Variants in SLC39A9 observed in about 807,000 individuals in gnomAD.
SLC39A9 encodes the protein zinc transporter ZIP9.
SLC39A9 carries 14 observed loss-of-function variants against 28.4 expected under a neutral mutation model. The ratio of observed to expected loss-of-function variants is 0.49; its 90% CI spans 0.33 to 0.77. SLC39A9 has a LOEUF of 0.77. Ranked by LOEUF, SLC39A9 falls within the 30% of genes least tolerant of loss-of-function variation. SLC39A9 has a pLI of 0.02. For missense variants in SLC39A9, 283 were observed against 381.1 expected, an observed-to-expected ratio of 0.74 and a Z score of 2.14; for synonymous variants, 119 against 149.6, an observed-to-expected ratio of 0.80 and a Z score of 1.49.
chr14:69,400,805 C>T (rs1483904463), intron 1 of SLC39A9, among the ~76,000 whole-genome samples: 1 of 151,640 alleles, frequency 6.6e-6, no homozygotes, highest in Non-Finnish European at 1.5e-5. Flanking sequence ...TAATCTGTAC[C>T]CCTCAGCATC....
Position 69,459,090 on chromosome 14 carries a change from C to T in SLC39A9, c.*497C>T. 2.0e-6 allele frequency: 2 copies of T among 986,948 alleles called. No individual in the cohort carries two copies. Among genetic ancestry groups the T allele is most frequent in the Non-Finnish European group, 2.4e-6 (2 of 830,660 alleles). The allele number at this position is 986,948 out of a possible 1,614,324, so 61.1% of individuals were successfully genotyped here. ...ATGCGTTGATGGAAGGTCATAGCAC[C>T]CACTCACTTAGATGCTAAAGGTGAT... On this transcript the variant is annotated 3_prime_UTR_variant, in exon 7 of 7. Transcript: ENST00000336643.
chr14:69,462,290 A>G lies in SLC39A9; in HGVS notation c.*3697A>G, dbSNP rs1272868400. 2 of 152,276 alleles carry G rather than the reference A, an allele frequency of 1.3e-5. No homozygotes were observed. Among genetic ancestry groups the G allele is most frequent in the African/African-American group, 4.8e-5 (2 of 41,470 alleles). 9.4% of individuals were successfully genotyped at this position (152,276 alleles called of 1,614,324 possible). On this transcript the variant is annotated 3_prime_UTR_variant, in exon 7 of 7. Transcript: ENST00000336643. ...TCCCTTGTAAACATGAAATCATTCC[A>G]TGGATGGCTGCCTTATAATTTTGTC...
intron 3 of SLC39A9, among the ~76,000 whole-genome samples, chr14:69,451,169 G>A (rs2139446545): frequency 6.6e-6 from 1 of 152,352 alleles, no homozygotes; most frequent in South Asian, 2.1e-4. Context: ...TGCTGGCGCA[G>A]AGTGATTAGG....
At chr14:69,409,265 C>T (rs1342741442) in intron 1 of SLC39A9, among the ~76,000 whole-genome samples, 1 of 152,158 alleles carries the variant, frequency 6.6e-6, no homozygotes, top group Non-Finnish European at 1.5e-5. Flanking sequence ...GTACCATTTA[C>T]ATTCTCCCTT....
chr14:69,420,972 T>A (rs1395702320), intron 1 of SLC39A9, among the ~76,000 whole-genome samples: 1 of 152,258 alleles, frequency 6.6e-6, no homozygotes, highest in Non-Finnish European at 1.5e-5. Context: ...TTGTTTTTAC[T>A]GACCTTCTGA....
At chr14:69,413,046 C>T (rs1020484392) in intron 1 of SLC39A9, among the ~76,000 whole-genome samples, 4 of 152,038 alleles carry the variant, frequency 2.6e-5, no homozygotes, top group African/African-American at 4.8e-5. Context: ...TTTCATAGAT[C>T]AGTCATATAT....
chr14:69,403,667 T>A (rs1004254428), intron 1 of SLC39A9, among the ~76,000 whole-genome samples: 1 of 152,218 alleles, frequency 6.6e-6, no homozygotes, highest in African/African-American at 2.4e-5. Flanking sequence ...GCTCTAAAAA[T>A]TTCTGAAGGC....
At chr14:69,438,024 CTTT>C (rs374673006) in intron 2 of SLC39A9, among the ~76,000 whole-genome samples, 1 of 140,368 alleles carries the variant, frequency 7.1e-6, no homozygotes, top group African/African-American at 2.6e-5. Context: ...TTCCCTTACC[CTTT>C]TTTTTTTTTT....
intron 1 of SLC39A9, 128 bp downstream of exon 1, chr14:69,399,593 T>A: frequency 1.5e-6 from 1 of 671,440 alleles, no homozygotes. Flanking sequence ...ACTATCTTTT[T>A]TAAAAGATAC....
intron 1 of SLC39A9, among the ~76,000 whole-genome samples, chr14:69,411,938 ATGCC>A (rs1883288567): frequency 4.6e-5 from 7 of 151,810 alleles, no homozygotes; most frequent in Admixed American, 4.6e-4. Flanking sequence ...ACATGCCACC[ATGCC>A]CAGCTCATTT....
Position 69,460,659 on chromosome 14 carries a change from G to C in SLC39A9, c.*2066G>C. 1.0e-6 allele frequency: 1 copy of C among 985,442 alleles called. No homozygotes were observed. The highest frequency in any genetic ancestry group is 1.2e-6 in the Non-Finnish European group (1 of 829,938). 61.0% of individuals were successfully genotyped at this position (985,442 alleles called of 1,614,324 possible). A position where few individuals can be genotyped will look rare whatever the true frequency, so the allele number is the denominator to read the frequency against. On this transcript the variant is annotated 3_prime_UTR_variant, in exon 7 of 7. Coordinates refer to ENST00000336643, the MANE Select transcript of SLC39A9 (RefSeq NM_018375.5). ...CAGTGCCTTGCCATCATGCTTAAAA[G>C]TTTGGCTAGTATATCTTGCTGGATG...
At chr14:69,436,375 G>A (rs191812574) in intron 2 of SLC39A9, among the ~76,000 whole-genome samples, 94 of 152,166 alleles carry the variant, frequency 6.2e-4, no homozygotes, top group Admixed American at 3.7e-3. Context: ...CTTTTCCCTC[G>A]GTAATTGGTC....
chr14:69,461,644 T>C lies in SLC39A9; in HGVS notation c.*3051T>C. 6.5e-7 allele frequency: 1 copy of C among 1,532,216 alleles called. No individual in the cohort carries two copies. The highest frequency in any genetic ancestry group is 1.4e-5 in the African/African-American group (1 of 72,860). 94.9% of individuals were successfully genotyped at this position (1,532,216 alleles called of 1,614,324 possible). A position where few individuals can be genotyped will look rare whatever the true frequency, so the allele number is the denominator to read the frequency against. On this transcript the variant is annotated 3_prime_UTR_variant, in exon 7 of 7. Coordinates refer to ENST00000336643, the MANE Select transcript of SLC39A9 (RefSeq NM_018375.5). Reference sequence around the variant, plus strand: ...AAAGGAGAAAATGTGATTGTGTTTTTTTTTTACCAGCCTACTTCTAAGTGT... The same window carrying C: ...AAAGGAGAAAATGTGATTGTGTTTTCTTTTTACCAGCCTACTTCTAAGTGT...
intron 2 of SLC39A9, among the ~76,000 whole-genome samples, chr14:69,428,297 T>C (rs11620664): frequency 0.19 from 28,310 of 150,732 alleles, 2,803 homozygotes; most frequent in South Asian, 0.26. Flanking sequence ...AAAAAGTTTA[T>C]GGGGACAGTG....
chr14:69,403,344 C>T (rs893984336), intron 1 of SLC39A9, among the ~76,000 whole-genome samples: 19 of 152,244 alleles, frequency 1.2e-4, no homozygotes, highest in African/African-American at 4.3e-4. Context: ...GATACAAAAA[C>T]AGATGGCTCA....
chr14:69,442,453 T>A (rs563551845), intron 3 of SLC39A9, among the ~76,000 whole-genome samples, 187 bp downstream of exon 3: 3 of 152,308 alleles, frequency 2.0e-5, no homozygotes, highest in Admixed American at 2.0e-4. Flanking sequence ...CGCAAAGAAG[T>A]GTTTATTGGT....
At chr14:69,456,212 A>T (rs958788756) in intron 6 of SLC39A9, among the ~76,000 whole-genome samples, 2 of 152,214 alleles carry the variant, frequency 1.3e-5, no homozygotes, top group Non-Finnish European at 2.9e-5. Context: ...TGTGAGGTAG[A>T]CACCTGAAGC....
chr14:69,458,506 A>G lies in SLC39A9; in HGVS notation c.837A>G (p.Gly279=). Reference sequence around the variant, plus strand: ...ACAGCCACAAGCCCGATGCCACGGGAGGGAGAGGCCTCAGCCGCCTGGAAG... The same window carrying G: ...ACAGCCACAAGCCCGATGCCACGGGGGGGAGAGGCCTCAGCCGCCTGGAAG... ...IGHSHKPDAT[G]GRGLSRLEVA... is the part of the protein sequence containing the mutation. The change falls in exon 7 of 7, where the codon GGA becomes GGG. Residue 279 remains glycine (G), a synonymous_variant. Transcript: ENST00000336643. The G allele has an allele frequency of 1.9e-6, 3 of 1,614,218 alleles. No individual in the cohort carries two copies. In the African/African-American group the frequency reaches 4.0e-5, roughly 22 times the overall value.
At chr14:69,442,288 T>A in intron 3 of SLC39A9, 22 bp downstream of exon 3, 3 of 1,607,208 alleles carry the variant, frequency 1.9e-6, no homozygotes, top group Middle Eastern at 1.7e-4. Context: ...CAAGGCTTTC[T>A]GGGCAGTGCA....
Sources: allele counts gnomAD v4.1 joint callset (sites outside exome capture counted in the v4.1 genomes callset), GRCh38; gene constraint gnomAD v4.1.1; transcripts MANE v1.5; gene names NCBI Gene and HGNC (gene_info 2026-07-23, HGNC 2026-07-21).